The following GIGYF2 variants were observed in gnomAD, a reference collection of about 807,000 sequenced individuals.
GIGYF2 encodes the protein GRB10 interacting GYF protein 2.
Under a neutral mutation model 208.1 loss-of-function variants are expected in GIGYF2, and 25 were observed. The observed-to-expected ratio is 0.12, with a 90% confidence interval of 0.09 to 0.17. The LOEUF (loss-of-function observed/expected upper bound fraction) is 0.17. Among genes scored for constraint, GIGYF2 ranks in the 10% least tolerant of loss-of-function variants. The probability of loss-of-function intolerance (pLI) is 1.00; values close to 1 mark genes in which losing one functional copy is unlikely to be tolerated. For synonymous variants in GIGYF2, 534 were observed against 543.8 expected (o/e 0.98, Z 0.25); for missense variants, 1,302 against 1,579.4 (o/e 0.82, Z 2.98).
intron 14 of GIGYF2, among the ~76,000 whole-genome samples, chr2:232,802,362 C>T (rs1700424090): frequency 6.6e-6 from 1 of 151,946 alleles, no homozygotes; most frequent in African/African-American, 2.4e-5. Flanking sequence ...CAGTTTTTCA[C>T]TATTGAATAT....
In GIGYF2 at chr2:232,791,394, G is replaced by A. The variant is rs1182314179; in HGVS notation, c.1230G>A (p.Glu410=). The A allele has an allele frequency of 6.2e-7, 1 of 1,613,948 alleles. No homozygotes were observed. The highest frequency in any genetic ancestry group is 1.3e-5 in the African/African-American group (1 of 74,886). ...PKTEQTEKAE[E]ETRMENSLPA... ...CTGAGCAAACGGAAAAAGCTGAAGAGGAGACTCGGATGGAAAATAGTCTAC... is the reference window on the plus strand; with the variant it reads ...CTGAGCAAACGGAAAAAGCTGAAGAAGAGACTCGGATGGAAAATAGTCTAC... Residue 410 remains glutamate, a synonymous_variant, in exon 12 of 29, where the codon GAG becomes GAA. Coordinates refer to ENST00000373563, the MANE Select transcript of GIGYF2 (RefSeq NM_001103146.3).
chr2:232,856,703 A>AAC, intron 28 of GIGYF2, 90 bp from the exon 29 acceptor site: 1 of 858,886 alleles, frequency 1.2e-6, no homozygotes, highest in South Asian at 1.3e-5. Context: ...CAAACAAACA[A>AAC]ACACAGACTT....
Position 232,840,755 on chromosome 2 carries a change from A to T in GIGYF2, c.2889+784A>T, listed in dbSNP as rs141309000. Among the ~76,000 whole-genome samples, 8 of 152,270 alleles carry T rather than the reference A, an allele frequency of 5.3e-5. No individual in the cohort carries two copies. The East Asian group carries it at 1.5e-3, about 29-fold the overall frequency. The stretch of plus-strand genomic sequence containing the variant: ...GGGAGAGTGTTGGGAGTCAGGGATA[A>T]TGATGGTGTGGTGGATTGTCCAAAT... On this transcript the variant is annotated intron_variant, in intron 23 of 28. Coordinates refer to ENST00000373563, the MANE Select transcript of GIGYF2 (RefSeq NM_001103146.3).
At position 232,832,989 on chromosome 2, in the gene GIGYF2, G is replaced by A; in HGVS notation, c.2662G>A (p.Glu888Lys). The change falls in exon 22 of 29, where the codon GAG becomes AAG. Residue 888 changes from glutamate to lysine, a missense_variant. Coordinates refer to ENST00000373563, the MANE Select transcript of GIGYF2 (RefSeq NM_001103146.3). Reference sequence around the variant, plus strand: ...AGAAGAACGGAAGAGAAAGGAGCTGGAGGTCCAGCGGCAGAAGGAGTTAAT... The same window carrying A: ...AGAAGAACGGAAGAGAAAGGAGCTGAAGGTCCAGCGGCAGAAGGAGTTAAT... ...EEEERKRKEL[E>K]VQRQKELMRQ... 6.3e-7 allele frequency: 1 copy of A among 1,575,256 alleles called. No homozygotes were observed. The highest frequency in any genetic ancestry group is 8.6e-7 in the Non-Finnish European group (1 of 1,160,026).
At chr2:232,843,436 G>A (rs1287158947) in intron 23 of GIGYF2, among the ~76,000 whole-genome samples, 4 of 151,624 alleles carry the variant, frequency 2.6e-5, no homozygotes, top group Admixed American at 6.6e-5. Flanking sequence ...GGTGGCAGGC[G>A]CCTGTAATCC....
Position 232,790,660 on chromosome 2 carries a change from A to C in GIGYF2, c.713-38A>C, listed in dbSNP as rs773135858. 10 of 1,523,528 alleles carry C rather than the reference A, an allele frequency of 6.6e-6. No individual in the cohort carries two copies. The Middle Eastern group carries it at 5.1e-4, about 77-fold the overall frequency. The allele number at this position is 1,523,528 out of a possible 1,614,324, so 94.4% of individuals were successfully genotyped here. A position where few individuals can be genotyped will look rare whatever the true frequency, so the allele number is the denominator to read the frequency against. On this transcript the variant is annotated intron_variant, in intron 9 of 28. Coordinates refer to ENST00000373563, the MANE Select transcript of GIGYF2 (RefSeq NM_001103146.3). ...ATTTTCTTATTCAAATACTGTCATA[A>C]AACTTTTCTAAGGTTTGTGTCCTCC...
At chr2:232,814,270 AC>A (rs1559451742) in intron 18 of GIGYF2, among the ~76,000 whole-genome samples, 1 of 151,838 alleles carries the variant, frequency 6.6e-6, no homozygotes, top group Non-Finnish European at 1.5e-5. Flanking sequence ...GCATTAAACT[AC>A]CTTCAGGCTG....
At chr2:232,742,886 C>T (rs1300147368) in intron 3 of GIGYF2, among the ~76,000 whole-genome samples, 1 of 152,064 alleles carries the variant, frequency 6.6e-6, no homozygotes, top group Non-Finnish European at 1.5e-5. Flanking sequence ...GGGTTTTGGG[C>T]ATATTGAACC....
At chr2:232,701,384 G>A (rs112002676) in intron 1 of GIGYF2, among the ~76,000 whole-genome samples, 2,724 of 151,300 alleles carry the variant, frequency 0.018, 87 homozygotes, top group African/African-American at 0.062. Context: ...GTTTGGGGTT[G>A]CAGTGAGCCG....
intron 2 of GIGYF2, among the ~76,000 whole-genome samples, chr2:232,732,394 A>G (rs1697539946): frequency 6.6e-6 from 1 of 152,104 alleles, no homozygotes; most frequent in Non-Finnish European, 1.5e-5. Flanking sequence ...TTACTTCACT[A>G]ATACTCCATG....
In GIGYF2 at chr2:232,856,868, C is replaced by T; in HGVS notation, c.*8C>T. The T allele has an allele frequency of 6.3e-7, 1 of 1,588,674 alleles. No individual in the cohort carries two copies. Among genetic ancestry groups the T allele is most frequent in the Non-Finnish European group, 8.6e-7 (1 of 1,156,698 alleles). ...ACGTTGGATGACTACTGAGCACCTG[C>T]CAGTGGACTGGCCATCCCTCTCCTG... On this transcript the variant is annotated 3_prime_UTR_variant, in exon 29 of 29. Coordinates refer to ENST00000373563, the MANE Select transcript of GIGYF2 (RefSeq NM_001103146.3).
At chr2:232,720,984 A>C (rs9677868) in intron 2 of GIGYF2, among the ~76,000 whole-genome samples, 2,935 of 152,288 alleles carry the variant, frequency 0.019, 111 homozygotes, top group African/African-American at 0.066. Flanking sequence ...ATAGCCAAAG[A>C]GAGAAAAGGC....
rs145406352 is a variant in GIGYF2 at position 232,837,867 on chromosome 2, A to C, written c.2767-1982A>C. Among the ~76,000 whole-genome samples, 245 of 152,294 alleles carry C rather than the reference A, an allele frequency of 1.6e-3. 2 individuals are homozygous for C. Among genetic ancestry groups the C allele is most frequent in the African/African-American group, 5.6e-3 (232 of 41,564 alleles). On this transcript the variant is annotated intron_variant, in intron 22 of 28. Transcript: ENST00000373563. ...CCGACAGTGAAACAGTTATTTCTTA[A>C]AGCAAAACCAGTGTTGAAATGTAAG...
At chr2:232,735,941 G>A in intron 3 of GIGYF2, 1 of 983,916 alleles carries the variant, frequency 1.0e-6, no homozygotes, top group Non-Finnish European at 1.2e-6. Flanking sequence ...CAACCCCTTT[G>A]GTAATATCAG....
chr2:232,837,531 T>C (rs529996371), intron 22 of GIGYF2, among the ~76,000 whole-genome samples: 329 of 152,310 alleles, frequency 2.2e-3, no homozygotes, highest in African/African-American at 7.6e-3. Flanking sequence ...CTCAGCTCAC[T>C]GCAACCTCCG....
At chr2:232,768,724 T>G in intron 8 of GIGYF2, 1 of 1,602,238 alleles carries the variant, frequency 6.2e-7, no homozygotes, top group South Asian at 1.1e-5. Flanking sequence ...AGATTAGGTT[T>G]GCCATCCATG....
chr2:232,827,208 G>GTTTTTTTTTTTTTTTTT (rs1166323037), intron 21 of GIGYF2, among the ~76,000 whole-genome samples: 2 of 151,938 alleles, frequency 1.3e-5, no homozygotes, highest in Middle Eastern at 3.2e-3. Flanking sequence ...TATAGACATT[G>GTTTTTTTTTTTTTTTTT]TTTTTTAAGA....
At chr2:232,797,336 T>C (rs997518146) in intron 14 of GIGYF2, among the ~76,000 whole-genome samples, 3 of 152,224 alleles carry the variant, frequency 2.0e-5, no homozygotes, top group Non-Finnish European at 2.9e-5. Context: ...TTTTACTGTG[T>C]GCCCACCCTG....
At chr2:232,833,792 G>T (rs1262983153) in intron 22 of GIGYF2, among the ~76,000 whole-genome samples, 3 of 152,130 alleles carry the variant, frequency 2.0e-5, no homozygotes, top group African/African-American at 7.2e-5. Context: ...AGAATATAGG[G>T]CTTGAAACAG....
Sources: gnomAD v4.1 joint callset for allele counts (sites outside exome capture counted in the v4.1 genomes callset) on GRCh38, gnomAD v4.1.1 for gene constraint, MANE v1.5 for transcripts, NCBI Gene and HGNC (gene_info 2026-07-23, HGNC 2026-07-21) for gene names.